Variants in SORL1 observed in about 807,000 individuals in gnomAD.
The protein encoded by SORL1 is sortilin-related receptor.
In SORL1, 127 loss-of-function variants were observed where a neutral mutation model predicts 273.7. The ratio of observed to expected loss-of-function variants is 0.46; its 90% CI spans 0.40 to 0.54. The LOEUF is 0.54. Among genes scored for constraint, SORL1 ranks in the 20% least tolerant of loss-of-function variants. The probability of loss-of-function intolerance (pLI) is 0.00; values close to 1 mark genes in which losing one functional copy is unlikely to be tolerated. For synonymous variants in SORL1, 1,031 were observed against 1,067.4 expected (o/e 0.97, Z 0.66); for missense variants, 2,494 against 2,846.1 (o/e 0.88, Z 2.81).
intron 13 of SORL1, among the ~76,000 whole-genome samples, chr11:121,544,266 G>A (rs978116491): frequency 5.3e-5 from 8 of 152,024 alleles, no homozygotes; most frequent in African/African-American, 1.2e-4. Flanking sequence ...CTAGCTGCCC[G>A]GAGTGCCCTG....
chr11:121,483,383 G>A (rs1441775358), intron 3 of SORL1, among the ~76,000 whole-genome samples: 2 of 152,180 alleles, frequency 1.3e-5, no homozygotes, highest in Non-Finnish European at 2.9e-5. Flanking sequence ...CCTTCTAGAG[G>A]GATGTTCCTT....
In SORL1 at chr11:121,545,363, A is replaced by C; in HGVS notation, c.1985A>C (p.Asn662Thr). Reference protein sequence around the residue: ...KRRTPHATCFNGEDFDRPVVV... With the variant: ...KRRTPHATCFTGEDFDRPVVV... The stretch of plus-strand genomic sequence containing the variant: ...CGGACCCCCCATGCCACATGCTTCA[A>C]TGGAGAGGACTTTGACAGGCCGGTG... The change falls in exon 14 of 48, where the codon AAT becomes ACT. Residue 662 changes from asparagine (N) to threonine (T), a missense_variant. Physicochemically the swap from Asn to Thr is moderately conservative, Grantham distance 65 (BLOSUM62 0). Coordinates refer to ENST00000260197, the MANE Select transcript of SORL1 (RefSeq NM_003105.6). 6.2e-7 allele frequency: 1 copy of C among 1,614,168 alleles called. No homozygotes were observed. Among genetic ancestry groups the C allele is most frequent in the South Asian group, 1.1e-5 (1 of 91,086 alleles).
In SORL1 at chr11:121,554,649, C is replaced by A. The variant is rs77718012; in HGVS notation, c.2440-538C>A. On this transcript the variant is annotated intron_variant, in intron 17 of 47. Coordinates refer to ENST00000260197, the MANE Select transcript of SORL1 (RefSeq NM_003105.6). The surrounding 1 kb of genome is among the most constrained non-coding windows in gnomAD (Gnocchi z 4.6). Reference sequence around the variant, plus strand: ...TGTCTACTTAATCCTTTTAGAAAAGCAATTCCAACAAATTTTTATCTAGAT... The same window carrying A: ...TGTCTACTTAATCCTTTTAGAAAAGAAATTCCAACAAATTTTTATCTAGAT... 8.0e-3 allele frequency among the ~76,000 whole-genome samples: 1,212 copies of A among 152,304 alleles called. 3 individuals carry two copies. The highest frequency in any genetic ancestry group is 0.013 in the Non-Finnish European group (865 of 68,016).
chr11:121,490,977 G>A (rs1300070843), intron 5 of SORL1, among the ~76,000 whole-genome samples: 1 of 152,122 alleles, frequency 6.6e-6, no homozygotes, highest in Non-Finnish European at 1.5e-5. Context: ...CCAGATGGGA[G>A]GATCATAAAC....
chr11:121,506,434 C>A (rs1861788257), intron 6 of SORL1, among the ~76,000 whole-genome samples: 1 of 152,136 alleles, frequency 6.6e-6, no homozygotes, highest in South Asian at 2.1e-4. Context: ...TCATGTCTTA[C>A]ATGGATGGCA....
At chr11:121,594,676 C>T (rs980592917) in intron 31 of SORL1, among the ~76,000 whole-genome samples, 1 of 152,138 alleles carries the variant, frequency 6.6e-6, no homozygotes, top group African/African-American at 2.4e-5. Flanking sequence ...CTATTTCCTC[C>T]AAATGGCCTT....
In SORL1 at chr11:121,514,228, A is replaced by G; in HGVS notation, c.1118A>G (p.Tyr373Cys). The change falls in exon 8 of 48, where the codon TAC becomes TGC. Residue 373 changes from tyrosine to cysteine, a missense_variant. Physicochemically the swap from Tyr to Cys is radical, Grantham distance 194. Transcript: ENST00000260197. ...CACAGTAACAACCGCACCAATTTAT[A>G]CATCTCAGAGGCAGAGGGGCTGAAG... Reference protein sequence around the residue: ...VSHSNNRTNLYISEAEGLKFS... With the variant: ...VSHSNNRTNLCISEAEGLKFS... The G allele has an allele frequency of 6.2e-7, 1 of 1,614,192 alleles. No individual in the cohort carries two copies. The highest frequency in any genetic ancestry group is 1.7e-5 in the Admixed American group (1 of 60,024).
At chr11:121,478,851 C>T (rs1050886816) in intron 3 of SORL1, among the ~76,000 whole-genome samples, 2 of 146,880 alleles carry the variant, frequency 1.4e-5, no homozygotes, top group African/African-American at 5.1e-5. Flanking sequence ...TGGGTACCTG[C>T]GTGTGTGTGC....
At chr11:121,479,865 A>G (rs115642977) in intron 3 of SORL1, among the ~76,000 whole-genome samples, 21 of 152,316 alleles carry the variant, frequency 1.4e-4, no homozygotes, top group African/African-American at 4.8e-4. Flanking sequence ...ACCTAACTCC[A>G]GGGTGACAGA....
intron 11 of SORL1, among the ~76,000 whole-genome samples, chr11:121,531,047 T>C (rs186938892): frequency 4.4e-4 from 67 of 152,246 alleles, no homozygotes; most frequent in African/African-American, 1.6e-3. Flanking sequence ...TTTTCTCTCA[T>C]TCATTTCACG....
At chr11:121,612,031 C>G (rs1409490679) in intron 39 of SORL1, 1 of 152,328 alleles carries the variant, frequency 6.6e-6, no homozygotes, top group Non-Finnish European at 1.5e-5. Context: ...ATCCCAGCTA[C>G]TTGGAGGCTG....
chr11:121,522,788 G>A (rs1213443586), intron 10 of SORL1, 85 bp downstream of exon 10: 2 of 1,357,750 alleles, frequency 1.5e-6, no homozygotes, highest in Non-Finnish European at 1.1e-6. Context: ...CACACCTCCA[G>A]CAGTAACCAC....
intron 24 of SORL1, among the ~76,000 whole-genome samples, chr11:121,576,350 A>G (rs1009076098): frequency 6.6e-6 from 1 of 152,140 alleles, no homozygotes; most frequent in African/African-American, 2.4e-5. Flanking sequence ...AAATGCTTCT[A>G]TCTGTACGCA....
At chr11:121,619,728 T>C in intron 42 of SORL1, 25 bp from the exon 43 acceptor site, 1 of 1,588,672 alleles carries the variant, frequency 6.3e-7, no homozygotes, top group Non-Finnish European at 8.6e-7. Context: ...GTATTTTTTT[T>C]CCTACGTGTG....
chr11:121,518,969 G>C (rs540031581), intron 8 of SORL1, among the ~76,000 whole-genome samples: 68 of 139,960 alleles, frequency 4.9e-4, no homozygotes, highest in Admixed American at 2.6e-3. Flanking sequence ...TTTTTTTTGA[G>C]TTGGAGTCTC....
Position 121,627,450 on chromosome 11 carries a change from T to A in SORL1, c.6365-105T>A, listed in dbSNP as rs988364215. On this transcript the variant is annotated intron_variant, in intron 46 of 47. Transcript: ENST00000260197. This position sits in a 1 kb window ranked among gnomAD's most constrained non-coding sequence, Gnocchi z 4.9. Reference sequence around the variant, plus strand: ...ACACCAGACAGGCAGTTTGTGTAGCTGTGGCTATCGCCCAGCTTTTTTTGG... The same window carrying A: ...ACACCAGACAGGCAGTTTGTGTAGCAGTGGCTATCGCCCAGCTTTTTTTGG... 1 of 856,270 alleles carries A rather than the reference T, an allele frequency of 1.2e-6. No individual in the cohort carries two copies. Among genetic ancestry groups the A allele is most frequent in the Non-Finnish European group, 1.9e-6 (1 of 516,550 alleles). 53.0% of individuals were successfully genotyped at this position (856,270 alleles called of 1,614,324 possible). A position where few individuals can be genotyped will look rare whatever the true frequency, so the allele number is the denominator to read the frequency against.
chr11:121,570,845 T>C (rs1862831461), intron 23 of SORL1, among the ~76,000 whole-genome samples: 1 of 152,230 alleles, frequency 6.6e-6, no homozygotes, highest in African/African-American at 2.4e-5. Flanking sequence ...ACTTCTAAAG[T>C]ATAAGACTGT....
At position 121,452,490 on chromosome 11, in the gene SORL1, C is replaced by A; in HGVS notation, c.159C>A (p.Gly53=). The change falls in exon 1 of 48, where the codon GGC becomes GGA. Residue 53 remains glycine (G), a synonymous_variant. Coordinates refer to ENST00000260197, the MANE Select transcript of SORL1 (RefSeq NM_003105.6). The surrounding 1 kb of genome is among the most constrained non-coding windows in gnomAD (Gnocchi z 5.3). Reference sequence around the variant, plus strand: ...ACCGGGGCTTCCTCGTGGTGCAGGGCGACCCGCGCGAGCTGCGGCTGTGGG... The same window carrying A: ...ACCGGGGCTTCCTCGTGGTGCAGGGAGACCCGCGCGAGCTGCGGCTGTGGG... ...PQDRGFLVVQ[G]DPRELRLWAR... 1 of 1,485,386 alleles carries A rather than the reference C, an allele frequency of 6.7e-7. No homozygotes were observed. Among genetic ancestry groups the A allele is most frequent in the Non-Finnish European group, 8.9e-7 (1 of 1,120,142 alleles). The allele number at this position is 1,485,386 out of a possible 1,614,324, so 92.0% of individuals were successfully genotyped here.
In SORL1 at chr11:121,477,324, A is replaced by G. The variant is rs145256206; in HGVS notation, c.403-794A>G. On this transcript the variant is annotated intron_variant, in intron 2 of 47. Coordinates refer to ENST00000260197, the MANE Select transcript of SORL1 (RefSeq NM_003105.6). ...CCATGAGAGTTTTCTTCTCTTTTGT[A>G]TGGAATGCTGTACAAACAGAACTTC... 6.2e-4 allele frequency among the ~76,000 whole-genome samples: 95 copies of G among 152,240 alleles called. No individual in the cohort carries two copies. The East Asian group carries it at 0.017, about 28-fold the overall frequency.
Sources: allele counts gnomAD v4.1 joint callset (sites outside exome capture counted in the v4.1 genomes callset), GRCh38; gene constraint gnomAD v4.1.1; non-coding constraint Gnocchi (gnomAD v3.1); transcripts MANE v1.5; gene names NCBI Gene and HGNC (gene_info 2026-07-23, HGNC 2026-07-21).